FAT3: variants seen among roughly 807,000 people sequenced by gnomAD.
The protein encoded by FAT3 is FAT atypical cadherin 3, also known as protocadherin Fat 3.
In FAT3, 95 loss-of-function variants were observed where a neutral mutation model predicts 310.2. The ratio of observed to expected loss-of-function variants is 0.31; its 90% CI spans 0.26 to 0.36. The LOEUF (loss-of-function observed/expected upper bound fraction) is 0.36, where lower values mean the gene tolerates loss of function less well. Ranked by LOEUF, FAT3 falls within the 10% of genes least tolerant of loss-of-function variation. FAT3 has a pLI of 1.00. For synonymous variants in FAT3, 2,314 were observed against 2,192.9 expected, an observed-to-expected ratio of 1.06 and a Z score of -1.54; for missense variants, 5,408 against 5,715.6, an observed-to-expected ratio of 0.95 and a Z score of 1.74.
intron 1 of FAT3, among the ~76,000 whole-genome samples, chr11:92,251,798 C>T (rs1865153383): frequency 6.6e-6 from 1 of 151,954 alleles, no homozygotes; most frequent in Non-Finnish European, 1.5e-5. Context: ...AAGGTCTCAC[C>T]CTCATGAAGC....
intron 1 of FAT3, among the ~76,000 whole-genome samples, chr11:92,274,886 T>C (rs1490300856): frequency 1.3e-5 from 2 of 152,160 alleles, no homozygotes; most frequent in Non-Finnish European, 2.9e-5. Flanking sequence ...ATAAAGAGCT[T>C]TTCACAGATT....
At chr11:92,812,730 A>G (rs1947712669) in intron 13 of FAT3, among the ~76,000 whole-genome samples, 1 of 152,210 alleles carries the variant, frequency 6.6e-6, no homozygotes, top group South Asian at 2.1e-4. Flanking sequence ...TTCCAGGTAC[A>G]CAGGTCCCAC....
chr11:92,838,058 G>T (rs1370999027), intron 17 of FAT3, among the ~76,000 whole-genome samples: 2 of 152,180 alleles, frequency 1.3e-5, no homozygotes, highest in African/African-American at 4.8e-5. Flanking sequence ...ACAACACTGT[G>T]AAGAGGGATG....
chr11:92,331,514 C>T (rs1947924031), intron 1 of FAT3, among the ~76,000 whole-genome samples: 1 of 152,042 alleles, frequency 6.6e-6, no homozygotes. Context: ...TAAACCCCTT[C>T]TTATTAAAGT....
At chr11:92,345,492 C>T (rs35583546) in intron 1 of FAT3, among the ~76,000 whole-genome samples, 3,988 of 152,262 alleles carry the variant, frequency 0.026, 61 homozygotes, top group Non-Finnish European at 0.033. Context: ...TTTAAATTCT[C>T]AGGCCCCACC....
chr11:92,456,400 C>T (rs976630800), intron 2 of FAT3, among the ~76,000 whole-genome samples: 1 of 152,154 alleles, frequency 6.6e-6, no homozygotes, highest in African/African-American at 2.4e-5. Flanking sequence ...TAGTCAAAGA[C>T]AGTAGTTTTT....
intron 2 of FAT3, among the ~76,000 whole-genome samples, chr11:92,491,964 C>T (rs2135239424): frequency 6.6e-6 from 1 of 152,168 alleles, no homozygotes; most frequent in East Asian, 1.9e-4. Flanking sequence ...TCCACAGCCC[C>T]TGTATCCATC....
At chr11:92,304,460 A>G (rs1207084350) in intron 1 of FAT3, among the ~76,000 whole-genome samples, 1 of 152,090 alleles carries the variant, frequency 6.6e-6, no homozygotes, top group African/African-American at 2.4e-5. Flanking sequence ...CAGTGTGGTC[A>G]TCTCCTCTGG....
chr11:92,881,269 T>C (rs1949665210), intron 23 of FAT3, among the ~76,000 whole-genome samples: 1 of 152,206 alleles, frequency 6.6e-6, no homozygotes, highest in South Asian at 2.1e-4. Context: ...TGTTTTTTGA[T>C]CATTCTGAGA....
Position 92,798,307 on chromosome 11 carries a change from A to G in FAT3, c.5294A>G (p.Asn1765Ser). The G allele has an allele frequency of 1.2e-6, 2 of 1,613,876 alleles. No individual in the cohort carries two copies. The highest frequency in any genetic ancestry group is 1.7e-6 in the Non-Finnish European group (2 of 1,179,848). Reference sequence around the variant, plus strand: ...ATTCAGATTGTTGATGAAAATGATAATGCCCCAGTTTTTCTCTTTTCTCAA... The same window carrying G: ...ATTCAGATTGTTGATGAAAATGATAGTGCCCCAGTTTTTCTCTTTTCTCAA... The part of the protein sequence containing the change: ...VNIQIVDEND[N>S]APVFLFSQYS... The change falls in exon 10 of 28, where the codon AAT (asparagine) becomes AGT (serine). Residue 1765 changes from asparagine (N) to serine (S), a missense_variant. This residue lies in a region of FAT3 where 4,588 missense variants were observed against 4,809.8 expected (regional missense o/e 0.95). Transcript: ENST00000525166.
intron 2 of FAT3, among the ~76,000 whole-genome samples, chr11:92,505,596 T>G (rs1472302074): frequency 6.6e-6 from 1 of 152,158 alleles, no homozygotes; most frequent in African/African-American, 2.4e-5. Context: ...CATTTTCTTA[T>G]ATGGGATTCC....
chr11:92,274,645 T>C (rs1946215253), intron 1 of FAT3, among the ~76,000 whole-genome samples: 1 of 152,096 alleles, frequency 6.6e-6, no homozygotes, highest in South Asian at 2.1e-4. Flanking sequence ...TTTGAAAATA[T>C]TTTACATTTA....
chr11:92,880,915 A>G (rs1163096465), intron 23 of FAT3, 31 bp downstream of exon 23: 2 of 1,604,550 alleles, frequency 1.2e-6, no homozygotes, highest in Non-Finnish European at 1.7e-6. Flanking sequence ...GTCTTTCTCT[A>G]CACTGTTCTT....
At chr11:92,739,484 A>G in intron 4 of FAT3, among the ~76,000 whole-genome samples, 1 of 152,210 alleles carries the variant, frequency 6.6e-6, no homozygotes, top group Admixed American at 6.5e-5. Flanking sequence ...GCAAAATTCT[A>G]ATCAGTTTGG....
chr11:92,653,303 G>A (rs552802136), intron 3 of FAT3, among the ~76,000 whole-genome samples: 3 of 152,136 alleles, frequency 2.0e-5, no homozygotes, highest in Non-Finnish European at 2.9e-5. Flanking sequence ...GAATGCCCGA[G>A]CCAGAATTCG....
intron 1 of FAT3, among the ~76,000 whole-genome samples, chr11:92,240,220 G>T (rs919802451): frequency 3.3e-5 from 5 of 150,794 alleles, no homozygotes; most frequent in African/African-American, 1.2e-4. Flanking sequence ...TAATTGTACT[G>T]TGACTGAGTT....
At chr11:92,491,567 T>C (rs1461753495) in intron 2 of FAT3, among the ~76,000 whole-genome samples, 1 of 152,072 alleles carries the variant, frequency 6.6e-6, no homozygotes, top group Non-Finnish European at 1.5e-5. Context: ...TGAAAAAGTA[T>C]AGAGGCCTGA....
At chr11:92,745,946 A>T (rs539368492) in intron 4 of FAT3, among the ~76,000 whole-genome samples, 4 of 152,324 alleles carry the variant, frequency 2.6e-5, no homozygotes, top group Admixed American at 2.6e-4. Context: ...TTATGAGCTG[A>T]CTTTCTCCTG....
intron 2 of FAT3, among the ~76,000 whole-genome samples, chr11:92,497,917 T>A (rs1276316776): frequency 6.6e-6 from 1 of 151,948 alleles, no homozygotes; most frequent in Non-Finnish European, 1.5e-5. Flanking sequence ...GAGAATCTGG[T>A]TTTCAGATCC....
Sources: allele counts gnomAD v4.1 joint callset (sites outside exome capture counted in the v4.1 genomes callset), GRCh38; gene constraint gnomAD v4.1.1; regional missense constraint gnomAD v4.1.1; transcripts MANE v1.5; gene names NCBI Gene and HGNC (gene_info 2026-07-23, HGNC 2026-07-21).